The following SLC37A1 variants were observed in gnomAD, a reference collection of about 807,000 sequenced individuals.
The protein encoded by SLC37A1 is glucose-6-phosphate exchanger SLC37A1.
Under a neutral mutation model 75.3 loss-of-function variants are expected in SLC37A1, and 49 were observed. That is an observed-to-expected ratio of 0.65 (90% CI 0.52 to 0.83). SLC37A1 has a LOEUF of 0.83. Ranked by LOEUF, SLC37A1 falls within the 40% of genes least tolerant of loss-of-function variation. The probability of loss-of-function intolerance (pLI) is 0.00; values close to 1 mark genes in which losing one functional copy is unlikely to be tolerated. For missense variants in SLC37A1, 566 were observed against 695.0 expected (o/e 0.81, Z 2.09); for synonymous variants, 268 against 292.1 (o/e 0.92, Z 0.84).
intron 3 of SLC37A1, among the ~76,000 whole-genome samples, chr21:42,532,802 C>T (rs117620212): frequency 0.028 from 4,206 of 152,304 alleles, 100 homozygotes; most frequent in Non-Finnish European, 0.043. Flanking sequence ...AGGAGGTCAG[C>T]ATGGCGCCTC....
At chr21:42,504,314 T>C (rs2054365755) in intron 2 of SLC37A1, among the ~76,000 whole-genome samples, 1 of 151,748 alleles carries the variant, frequency 6.6e-6, no homozygotes, top group African/African-American at 2.4e-5. Context: ...TTGGAGAGAG[T>C]ATAGGGGTGA....
chr21:42,556,219 G>A (rs1437841004), intron 10 of SLC37A1, among the ~76,000 whole-genome samples: 1 of 152,216 alleles, frequency 6.6e-6, no homozygotes, highest in Admixed American at 6.5e-5. Context: ...ATTGTCTTGG[G>A]GACGGTCGCA....
chr21:42,510,977 A>G (rs73374142), upstream of SLC37A1, among the ~76,000 whole-genome samples: 8,630 of 152,300 alleles, frequency 0.057, 322 homozygotes, highest in South Asian at 0.14. Flanking sequence ...GAACCTGAAT[A>G]ACATTCTAGA....
intron 17 of SLC37A1, among the ~76,000 whole-genome samples, chr21:42,573,378 C>G (rs1202455268): frequency 6.6e-6 from 1 of 152,172 alleles, no homozygotes; most frequent in Non-Finnish European, 1.5e-5. Context: ...GGGCCTCGCT[C>G]TGCTCCAGGT....
chr21:42,540,203 G>C (rs545146364), intron 6 of SLC37A1, among the ~76,000 whole-genome samples: 1 of 152,212 alleles, frequency 6.6e-6, no homozygotes, highest in African/African-American at 2.4e-5. Flanking sequence ...AACACACAGC[G>C]GGACAGGGCG....
At chr21:42,567,616 C>T (rs796326824) in intron 16 of SLC37A1, among the ~76,000 whole-genome samples, 1 of 152,264 alleles carries the variant, frequency 6.6e-6, no homozygotes. Context: ...CTTCAAAATA[C>T]GTAGGTTCTG....
chr21:42,527,341 G>T (rs1039100734), intron 3 of SLC37A1, among the ~76,000 whole-genome samples: 3 of 151,930 alleles, frequency 2.0e-5, no homozygotes, highest in African/African-American at 7.3e-5. Context: ...CCAGGAGCAA[G>T]TGGGAGCCCT....
At chr21:42,534,639 T>G in intron 3 of SLC37A1, 59 bp from the exon 4 acceptor site, 2 of 1,569,982 alleles carry the variant, frequency 1.3e-6, no homozygotes, top group Non-Finnish European at 1.7e-6. Flanking sequence ...CTGTGCCCCA[T>G]GCTGAGCCTC....
At chr21:42,564,108 G>A (rs2055908454) in intron 13 of SLC37A1, among the ~76,000 whole-genome samples, 1 of 151,780 alleles carries the variant, frequency 6.6e-6, no homozygotes, top group South Asian at 2.1e-4. Context: ...CATGCCAGCT[G>A]GACTCAGGGG....
At chr21:42,518,631 C>A in intron 2 of SLC37A1, 121 bp downstream of exon 2, 2 of 1,126,956 alleles carry the variant, frequency 1.8e-6, no homozygotes, top group Non-Finnish European at 2.6e-6. Flanking sequence ...ACTGACCTCA[C>A]CCATAACCGT....
rs1263747504 is a variant in SLC37A1 at position 42,545,348 on chromosome 21, CTG to C, written c.730+1747_730+1748del. Among the ~76,000 whole-genome samples the C allele has an allele frequency of 6.6e-6, 1 of 152,232 alleles. No individual in the cohort carries two copies. The highest frequency in any genetic ancestry group is 1.5e-5 in the Non-Finnish European group (1 of 68,052). On this transcript the variant is annotated intron_variant, in intron 8 of 19. Transcript: ENST00000352133. The surrounding 1 kb of genome is among the most constrained non-coding windows in gnomAD (Gnocchi z 4.0). ...TGACAACAGTGGCTGGATGCTGAGTCTGAGAACAGGAGCTCTTTGCAGATAGG... is the reference window on the plus strand; with the variant it reads ...TGACAACAGTGGCTGGATGCTGAGTCAGAACAGGAGCTCTTTGCAGATAGG...
rs370539226 is a variant in SLC37A1 at position 42,531,616 on chromosome 21, A to T, written c.139-3082A>T. Among the ~76,000 whole-genome samples the T allele has an allele frequency of 6.4e-4, 97 of 152,206 alleles. 1 individual carries two copies. The highest frequency in any genetic ancestry group is 2.2e-3 in the African/African-American group (93 of 41,520). On this transcript the variant is annotated intron_variant, in intron 3 of 19. Transcript: ENST00000352133. ...CCCCTCCCCAAGTATTTCCGCAGGG[A>T]TGGTGTGGCTATGCAGAGGTGAGGG...
At chr21:42,564,250 G>A (rs537608445) in intron 13 of SLC37A1, among the ~76,000 whole-genome samples, 17 of 121,428 alleles carry the variant, frequency 1.4e-4, no homozygotes, top group African/African-American at 4.6e-4. Context: ...GCATAGCTGG[G>A]TGTGGTGGCT....
intron 11 of SLC37A1, 55 bp from the exon 12 acceptor site, chr21:42,562,021 TAC>T: frequency 7.1e-7 from 1 of 1,409,956 alleles, no homozygotes; most frequent in East Asian, 2.3e-5. Context: ...GTTGCATGTT[TAC>T]ACACACCTGC....
intron 6 of SLC37A1, among the ~76,000 whole-genome samples, chr21:42,541,231 C>A (rs986423413): frequency 6.6e-6 from 1 of 152,208 alleles, no homozygotes; most frequent in Non-Finnish European, 1.5e-5. Context: ...GGAGCTCAGG[C>A]GGCAATGCTT....
Position 42,547,324 on chromosome 21 carries a change from T to A in SLC37A1, c.768+184T>A. ...TTTTGGGTTTCGCTGATAATAACCT[T>A]ATCAGCAAAACCCAGACAAGAGGTT... is the stretch of plus-strand genomic sequence containing the variant. On this transcript the variant is annotated intron_variant, in intron 9 of 19. Coordinates refer to ENST00000352133, the MANE Select transcript of SLC37A1 (RefSeq NM_001320537.2). This position sits in a 1 kb window ranked among gnomAD's most constrained non-coding sequence, Gnocchi z 6.1. The A allele has an allele frequency of 1.6e-6, 1 of 631,654 alleles. No homozygotes were observed. The highest frequency in any genetic ancestry group is 2.8e-6 in the Non-Finnish European group (1 of 359,860). 39.1% of individuals were successfully genotyped at this position (631,654 alleles called of 1,614,324 possible). A position where few individuals can be genotyped will look rare whatever the true frequency, so the allele number is the denominator to read the frequency against.
intron 5 of SLC37A1, among the ~76,000 whole-genome samples, chr21:42,536,896 C>G (rs1042557776): frequency 3.3e-5 from 5 of 152,188 alleles, no homozygotes; most frequent in African/African-American, 1.2e-4. Flanking sequence ...TACTGGGGAC[C>G]AAGCCTCAAC....
intron 13 of SLC37A1, 106 bp from the exon 14 acceptor site, chr21:42,564,602 G>T (rs1318208565): frequency 8.2e-6 from 7 of 851,146 alleles, no homozygotes; most frequent in Middle Eastern, 2.4e-4. Context: ...GGAGAGAGGG[G>T]CTTGGGAAAG....
intron 17 of SLC37A1, among the ~76,000 whole-genome samples, 196 bp downstream of exon 17, chr21:42,568,634 C>T (rs770865780): frequency 6.6e-5 from 10 of 152,152 alleles, no homozygotes; most frequent in Admixed American, 1.3e-4. Context: ...TTCAGAGAGA[C>T]GGGCGTGTGA....
Sources: gnomAD v4.1 joint callset for allele counts (sites outside exome capture counted in the v4.1 genomes callset) on GRCh38, gnomAD v4.1.1 for gene constraint, Gnocchi (gnomAD v3.1) non-coding constraint, MANE v1.5 for transcripts, NCBI Gene and HGNC (gene_info 2026-07-23, HGNC 2026-07-21) for gene names.